The following ERBB4 variants were observed in gnomAD, a reference collection of about 807,000 sequenced individuals.
ERBB4 encodes erb-b2 receptor tyrosine kinase 4.
ERBB4 carries 42 observed loss-of-function variants against 158.0 expected under a neutral mutation model. The observed-to-expected ratio is 0.27, with a 90% CI of 0.21 to 0.34. The LOEUF (loss-of-function observed/expected upper bound fraction) is 0.34. Among genes scored for constraint, ERBB4 ranks in the 10% least tolerant of loss-of-function variants. The pLI is 1.00. For synonymous variants in ERBB4, 583 were observed against 558.7 expected (o/e 1.04, Z -0.61); for missense variants, 1,333 against 1,624.1 (o/e 0.82, Z 3.08).
At chr2:211,464,083 CCTAAT>C (rs1158244585) in intron 20 of ERBB4, among the ~76,000 whole-genome samples, 1 of 152,178 alleles carries the variant, frequency 6.6e-6, no homozygotes, top group Non-Finnish European at 1.5e-5. Context: ...ACCCTGCCCA[CCTAAT>C]CTAAAGTTGC....
chr2:212,314,771 T>C (rs926835862), intron 1 of ERBB4, among the ~76,000 whole-genome samples: 9 of 151,244 alleles, frequency 6.0e-5, no homozygotes, highest in Non-Finnish European at 1.0e-4. Context: ...GGTCCTTTAA[T>C]CCAGAAAGAG....
intron 1 of ERBB4, among the ~76,000 whole-genome samples, chr2:212,372,701 A>C (rs1207799152): frequency 2.0e-5 from 3 of 152,194 alleles, no homozygotes; most frequent in African/African-American, 7.2e-5. Context: ...GTGAGCCGAG[A>C]TTGCACCACT....
intron 21 of ERBB4, 56 bp downstream of exon 21, chr2:211,430,889 A>G: frequency 7.2e-7 from 1 of 1,397,058 alleles, no homozygotes. Flanking sequence ...ATATAAGGAG[A>G]TAAAAGGATA....
chr2:211,502,216 G>A (rs1435784124), intron 20 of ERBB4, among the ~76,000 whole-genome samples: 1 of 152,124 alleles, frequency 6.6e-6, no homozygotes, highest in African/African-American at 2.4e-5. Context: ...ACAATAGTTT[G>A]GAGAGTTTGC....
intron 1 of ERBB4, among the ~76,000 whole-genome samples, chr2:212,521,377 CTACT>C (rs1262314850): frequency 1.3e-5 from 2 of 151,766 alleles, no homozygotes; most frequent in East Asian, 1.9e-4. Flanking sequence ...CTCAAATAGT[CTACT>C]TAAAGTTCTC....
At chr2:211,634,233 T>C (rs1461949040) in intron 16 of ERBB4, among the ~76,000 whole-genome samples, 1 of 152,246 alleles carries the variant, frequency 6.6e-6, no homozygotes, top group Non-Finnish European at 1.5e-5. Flanking sequence ...TTGTTCTCTT[T>C]TTCTTGAATG....
intron 25 of ERBB4, among the ~76,000 whole-genome samples, chr2:211,418,824 C>T (rs995838063): frequency 3.9e-5 from 6 of 152,046 alleles, no homozygotes; most frequent in African/African-American, 1.4e-4. Flanking sequence ...CTTCCCCTCT[C>T]ACAAGCAAAA....
intron 2 of ERBB4, among the ~76,000 whole-genome samples, chr2:211,966,755 G>A (rs1437328019): frequency 6.6e-6 from 1 of 152,006 alleles, no homozygotes; most frequent in South Asian, 2.1e-4. Flanking sequence ...TCTAGAGGCA[G>A]TATAGCCTTT....
chr2:211,540,484 A>T (rs1381017366), intron 20 of ERBB4, among the ~76,000 whole-genome samples: 1 of 151,948 alleles, frequency 6.6e-6, no homozygotes, highest in African/African-American at 2.4e-5. Context: ...AATATTTAAG[A>T]AGATGATGGC....
intron 3 of ERBB4, among the ~76,000 whole-genome samples, chr2:211,864,871 C>T (rs1317314427): frequency 2.0e-5 from 3 of 151,938 alleles, no homozygotes; most frequent in African/African-American, 2.4e-5. Flanking sequence ...ATTAGCTGAG[C>T]GTGGTGGTGG....
chr2:211,740,166 T>A (rs536740485), intron 5 of ERBB4, among the ~76,000 whole-genome samples: 8 of 152,346 alleles, frequency 5.3e-5, no homozygotes, highest in Admixed American at 5.2e-4. Flanking sequence ...CTTGTAGGTA[T>A]TTCCGTGGTC....
At chr2:211,766,114 C>T (rs1346047481) in intron 4 of ERBB4, among the ~76,000 whole-genome samples, 1 of 152,160 alleles carries the variant, frequency 6.6e-6, no homozygotes, top group African/African-American at 2.4e-5. Context: ...AGAAATGTCA[C>T]TGCATAATTT....
Position 212,376,193 on chromosome 2 carries a change from A to G in ERBB4, c.82+162256T>C, listed in dbSNP as rs557269575. Among the ~76,000 whole-genome samples, 41 of 152,222 alleles carry G rather than the reference A, an allele frequency of 2.7e-4. No homozygotes were observed. The South Asian group carries it at 8.5e-3, about 32-fold the overall frequency. On this transcript the variant is annotated intron_variant, in intron 1 of 27. Transcript: ENST00000342788. Reference sequence around the variant, plus strand: ...ATTGTGCCCAGATCAGCTGCAGAAAAGAGCAGAGCATTAATGGAAATTTTA... The same window carrying G: ...ATTGTGCCCAGATCAGCTGCAGAAAGGAGCAGAGCATTAATGGAAATTTTA...
rs185008225 is a variant in ERBB4 at position 211,673,768 on chromosome 2, T to C, written c.1623-511A>G. On this transcript the variant is annotated intron_variant, in intron 13 of 27. Coordinates refer to ENST00000342788, the MANE Select transcript of ERBB4 (RefSeq NM_005235.3). ...GGTGAAATTTCAAAAACTACTTTGA[T>C]TCCTCTTCTCCTTTTAAAATATCTG... Among the ~76,000 whole-genome samples the C allele has an allele frequency of 3.2e-3, 484 of 152,264 alleles. 2 individuals are homozygous for C. The highest frequency in any genetic ancestry group is 0.011 in the African/African-American group (440 of 41,590).
At chr2:211,985,325 G>A (rs937389671) in intron 2 of ERBB4, among the ~76,000 whole-genome samples, 4 of 151,966 alleles carry the variant, frequency 2.6e-5, no homozygotes, top group African/African-American at 7.2e-5. Context: ...TAATCTATTG[G>A]AAAAAAAGTC....
At chr2:212,447,000 T>C (rs985114327) in intron 1 of ERBB4, among the ~76,000 whole-genome samples, 29 of 151,502 alleles carry the variant, frequency 1.9e-4, no homozygotes, top group Non-Finnish European at 2.4e-4. Flanking sequence ...TTTTTCTTTT[T>C]TTTTTTTTTT....
At chr2:212,258,833 C>G (rs771867342) in intron 1 of ERBB4, among the ~76,000 whole-genome samples, 3 of 151,814 alleles carry the variant, frequency 2.0e-5, no homozygotes, top group African/African-American at 4.8e-5. Flanking sequence ...TTGGTAAATA[C>G]TAAAAGCTTT....
intron 16 of ERBB4, among the ~76,000 whole-genome samples, chr2:211,631,909 G>C (rs2070148239): frequency 6.6e-6 from 1 of 151,824 alleles, no homozygotes; most frequent in Non-Finnish European, 1.5e-5. Flanking sequence ...ACTTTCTCTT[G>C]CTAAATAAAC....
At chr2:212,178,653 T>C (rs529641744) in intron 1 of ERBB4, among the ~76,000 whole-genome samples, 1 of 151,816 alleles carries the variant, frequency 6.6e-6, no homozygotes, top group Admixed American at 6.6e-5. Flanking sequence ...AAAGTAAGAC[T>C]TTAACATCCT....
Sources: gnomAD v4.1 joint callset for allele counts (sites outside exome capture counted in the v4.1 genomes callset) on GRCh38, gnomAD v4.1.1 for gene constraint, MANE v1.5 for transcripts, NCBI Gene and HGNC (gene_info 2026-07-23, HGNC 2026-07-21) for gene names.